The following EFCAB6 variants were observed in gnomAD, a reference collection of about 807,000 sequenced individuals.
The protein encoded by EFCAB6 is EF-hand calcium binding domain 6.
A neutral mutation model predicts 169.8 loss-of-function variants in EFCAB6; 156 were observed. The ratio of observed to expected loss-of-function variants is 0.92; its 90% CI spans 0.81 to 1.05. The LOEUF (loss-of-function observed/expected upper bound fraction) is 1.05, where lower values mean the gene tolerates loss of function less well. Ranked by LOEUF, EFCAB6 falls within the 50% of genes least tolerant of loss-of-function variation. EFCAB6 has a pLI of 0.00. For missense variants in EFCAB6, 1,800 were observed against 1,829.1 expected, an observed-to-expected ratio of 0.98 and a Z score of 0.29; for synonymous variants, 698 against 676.4, an observed-to-expected ratio of 1.03 and a Z score of -0.50.
chr22:43,598,310 GGAAAAAAAA>G (rs1161598725), intron 23 of EFCAB6, among the ~76,000 whole-genome samples: 18 of 57,660 alleles, frequency 3.1e-4, no homozygotes, highest in Non-Finnish European at 4.8e-4. Flanking sequence ...ACTGTCTCCG[GGAAAAAAAA>G]AAAAAAAAAA....
In EFCAB6 at chr22:43,772,884, T is replaced by TA; in HGVS notation, c.351+7dup. 6.2e-7 allele frequency: 1 copy of TA among 1,614,126 alleles called. No individual in the cohort carries two copies. The highest frequency in any genetic ancestry group is 8.5e-7 in the Non-Finnish European group (1 of 1,180,002). On this transcript the variant is annotated splice_region_variant and intron_variant, in intron 4 of 31. Coordinates refer to ENST00000262726, the MANE Select transcript of EFCAB6 (RefSeq NM_022785.4). ...TGAGGGATTCTAAGTATGTACAACATACAGCACCTGAGCCAACACGTCCTG... is the reference window on the plus strand; with the variant it reads ...TGAGGGATTCTAAGTATGTACAACATAACAGCACCTGAGCCAACACGTCCTG...
chr22:43,735,713 T>G (rs1322286890), intron 7 of EFCAB6, 144 bp downstream of exon 7: 2 of 985,742 alleles, frequency 2.0e-6, no homozygotes, highest in East Asian at 4.9e-5. Flanking sequence ...GAATGTCCAG[T>G]GAGTGCCTCT....
intron 8 of EFCAB6, 107 bp from the exon 9 acceptor site, chr22:43,717,079 T>C (rs2059356472): frequency 1.5e-6 from 2 of 1,328,510 alleles, no homozygotes; most frequent in Non-Finnish European, 2.0e-6. Context: ...AAGGCTTGAA[T>C]AAACCAAGAA....
rs1226581072 is a variant in EFCAB6, at chr22:43,784,718, C to CAT, written c.-7-2395_-7-2394dup. Among the ~76,000 whole-genome samples the CAT allele has an allele frequency of 8.9e-4, 100 of 112,228 alleles. 1 individual carries two copies. The highest frequency in any genetic ancestry group is 5.4e-3 in the Middle Eastern group (1 of 186). The allele number at this position is 112,228 out of a possible 152,430, so 73.6% of individuals were successfully genotyped here. A position where few individuals can be genotyped will look rare whatever the true frequency, so the allele number is the denominator to read the frequency against. On this transcript the variant is annotated intron_variant, in intron 2 of 31. Coordinates refer to ENST00000262726, the MANE Select transcript of EFCAB6 (RefSeq NM_022785.4). ...ACACACACACACACACACACACACA[C>CAT]ATATATATATATGCCAGGCATGGTG...
chr22:43,732,067 TGAA>T (rs1358232946), intron 7 of EFCAB6, among the ~76,000 whole-genome samples: 1 of 152,168 alleles, frequency 6.6e-6, no homozygotes, highest in Admixed American at 6.5e-5. Context: ...CTGGACCTGT[TGAA>T]GAATACCCCA....
rs946292597 is a variant in EFCAB6, at chr22:43,788,745, C to G, written c.-7-6420G>C. Reference sequence around the variant, plus strand: ...ACTCCCAGGTATATACCCAAGGGAACTGAAAACATACATCCATCAAAAAAA... The same window carrying G: ...ACTCCCAGGTATATACCCAAGGGAAGTGAAAACATACATCCATCAAAAAAA... On this transcript the variant is annotated intron_variant, in intron 2 of 31. Transcript: ENST00000262726. Among the ~76,000 whole-genome samples the G allele has an allele frequency of 2.0e-5, 3 of 152,180 alleles. No individual in the cohort carries two copies. The East Asian group carries it at 5.8e-4, about 29-fold the overall frequency.
rs571718938 is a variant in EFCAB6 at position 43,544,845 on chromosome 22, G to A, written c.3649-4488C>T. ...TCAGATAAAAAAGATATTCAGTGCT[G>A]GGTGCAGTGGGTCACACCTGTAATC... On this transcript the variant is annotated intron_variant, in intron 27 of 31. Transcript: ENST00000262726. 8.5e-5 allele frequency among the ~76,000 whole-genome samples: 13 copies of A among 152,228 alleles called. No homozygotes were observed. The South Asian group carries it at 2.7e-3, about 32-fold the overall frequency.
At position 43,555,091 on chromosome 22, in the gene EFCAB6, A is replaced by G; in HGVS notation, c.3426T>C (p.Ala1142=). 6.2e-7 allele frequency: 1 copy of G among 1,614,192 alleles called. No homozygotes were observed. Among genetic ancestry groups the G allele is most frequent in the South Asian group, 1.1e-5 (1 of 91,082 alleles). Residue 1142 remains alanine (A), a synonymous_variant, in exon 27 of 32, where the codon GCT becomes GCC. Coordinates refer to ENST00000262726, the MANE Select transcript of EFCAB6 (RefSeq NM_022785.4). ...QNFSCFLEET[A]DEWAEKMPKG... The stretch of plus-strand genomic sequence containing the variant: ...TGGGCATTTTCTCAGCCCACTCATC[A>G]GCTGTCTGGACAAAATAGAATGGAA...
At chr22:43,684,454 A>T (rs368839677) in intron 11 of EFCAB6, among the ~76,000 whole-genome samples, 1 of 152,088 alleles carries the variant, frequency 6.6e-6, no homozygotes, top group Non-Finnish European at 1.5e-5. Context: ...ACCAAGTTCA[A>T]TGTGGACTTG....
intron 28 of EFCAB6, among the ~76,000 whole-genome samples, chr22:43,539,366 T>C (rs1296210442): frequency 6.6e-6 from 1 of 152,090 alleles, no homozygotes; most frequent in East Asian, 1.9e-4. Flanking sequence ...GAACACAAAC[T>C]CCACAAGAGC....
At chr22:43,696,929 T>C (rs2147233381) in intron 10 of EFCAB6, among the ~76,000 whole-genome samples, 1 of 152,366 alleles carries the variant, frequency 6.6e-6, no homozygotes, top group East Asian at 1.9e-4. Context: ...AAAATGAATT[T>C]ATAATTTATA....
chr22:43,636,612 T>C (rs1182040951), intron 17 of EFCAB6, among the ~76,000 whole-genome samples: 1 of 147,158 alleles, frequency 6.8e-6, no homozygotes, highest in African/African-American at 2.5e-5. Flanking sequence ...TTCTTTTCTT[T>C]TTTTTTTTTT....
chr22:43,645,781 G>C (rs1355092707), intron 17 of EFCAB6, among the ~76,000 whole-genome samples: 1 of 151,962 alleles, frequency 6.6e-6, no homozygotes, highest in Non-Finnish European at 1.5e-5. Context: ...CAGTCTCATG[G>C]GCCATCTCTT....
intron 19 of EFCAB6, 133 bp downstream of exon 19, chr22:43,631,972 T>G: frequency 7.6e-7 from 1 of 1,322,060 alleles, no homozygotes; most frequent in South Asian, 1.8e-5. Flanking sequence ...ATGCTGGGTC[T>G]GCAGAGGGAA....
rs755196747 is a variant in EFCAB6, at chr22:43,640,891, T to G, written c.1984-5675A>C. Among the ~76,000 whole-genome samples the G allele has an allele frequency of 7.2e-5, 11 of 152,256 alleles. No homozygotes were observed. In the South Asian group the frequency reaches 1.7e-3, roughly 23 times the overall value. Reference sequence around the variant, plus strand: ...TGGAAGCAAAACTCCCAGGAATACTTTCTGGGTGCTACAGCAAGCACATCC... The same window carrying G: ...TGGAAGCAAAACTCCCAGGAATACTGTCTGGGTGCTACAGCAAGCACATCC... On this transcript the variant is annotated intron_variant, in intron 17 of 31. Transcript: ENST00000262726.
intron 17 of EFCAB6, 68 bp downstream of exon 17, chr22:43,667,036 A>C: frequency 1.3e-6 from 2 of 1,528,822 alleles, no homozygotes; most frequent in Non-Finnish European, 1.8e-6. Flanking sequence ...TGTCCTTTAA[A>C]GTATGTTAGT....
chr22:43,782,165 C>T lies in EFCAB6; in HGVS notation c.139+15G>A, dbSNP rs2061843076. The T allele has an allele frequency of 6.2e-7, 1 of 1,607,822 alleles. No homozygotes were observed. The highest frequency in any genetic ancestry group is 8.5e-7 in the Non-Finnish European group (1 of 1,177,362). ...TATCTACAGTTAGTGTTCTTATTTG[C>T]TCATGAATACTTACTTGAAGAAGAT... is the stretch of plus-strand genomic sequence containing the variant. On this transcript the variant is annotated intron_variant, in intron 3 of 31. Transcript: ENST00000262726.
intron 20 of EFCAB6, among the ~76,000 whole-genome samples, chr22:43,622,181 C>T (rs1423073724): frequency 6.6e-6 from 1 of 152,158 alleles, no homozygotes; most frequent in Non-Finnish European, 1.5e-5. Context: ...ATGAAGCTAG[C>T]AGTGCCATGA....
rs1439765812 is a variant in EFCAB6, at chr22:43,784,676, T to TATGTGTGTATACATACATATACATAC, written c.-7-2352_-7-2351insGTATGTATATGTATGTATACACACAT. 4.8e-5 allele frequency among the ~76,000 whole-genome samples: 3 copies of TATGTGTGTATACATACATATACATAC among 63,134 alleles called. No homozygotes were observed. In the East Asian group the frequency reaches 2.2e-3, roughly 47 times the overall value. The allele number at this position is 63,134 out of a possible 152,430, so 41.4% of individuals were successfully genotyped here. A position where few individuals can be genotyped will look rare whatever the true frequency, so the allele number is the denominator to read the frequency against. ...ATGTGTATATATACATATACATATA[T>TATGTGTGTATACATACATATACATAC]ACACACACACACACACACACACACA... On this transcript the variant is annotated intron_variant, in intron 2 of 31. Transcript: ENST00000262726.
Sources: gnomAD v4.1 joint callset for allele counts (sites outside exome capture counted in the v4.1 genomes callset) on GRCh38, gnomAD v4.1.1 for gene constraint, MANE v1.5 for transcripts, NCBI Gene and HGNC (gene_info 2026-07-23, HGNC 2026-07-21) for gene names.